ATP2A2: variants seen among roughly 807,000 people sequenced by gnomAD.
ATP2A2 encodes ATPase sarcoplasmic/endoplasmic reticulum Ca2+ transporting 2.
A neutral mutation model predicts 109.3 loss-of-function variants in ATP2A2; 14 were observed. That is an observed-to-expected ratio of 0.13 (90% CI 0.08 to 0.20). The LOEUF is 0.20. Among genes scored for constraint, ATP2A2 ranks in the 10% least tolerant of loss-of-function variants. ATP2A2 has a pLI of 1.00. For synonymous variants in ATP2A2, 506 were observed against 490.9 expected (o/e 1.03, Z -0.41); for missense variants, 657 against 1,321.6 (o/e 0.50, Z 7.80).
At chr12:110,333,902 A>G in intron 10 of ATP2A2, 110 bp from the exon 11 acceptor site, 1 of 1,451,476 alleles carries the variant, frequency 6.9e-7, no homozygotes, top group Non-Finnish European at 9.6e-7. Context: ...ATGGCCTTAC[A>G]GTGTTGTAAT....
chr12:110,311,846 T>TG (rs1350775959), intron 5 of ATP2A2, among the ~76,000 whole-genome samples: 2 of 151,806 alleles, frequency 1.3e-5, no homozygotes, highest in Non-Finnish European at 2.9e-5. Flanking sequence ...GAGACCAGCC[T>TG]GGGCAACATA....
intron 8 of ATP2A2, among the ~76,000 whole-genome samples, chr12:110,328,276 A>T (rs1877997166): frequency 1.4e-5 from 2 of 141,304 alleles, no homozygotes; most frequent in African/African-American, 2.6e-5. Flanking sequence ...TCCTTTAATT[A>T]AAAAAAAAAA....
At chr12:110,282,864 C>A in intron 3 of ATP2A2, 69 bp downstream of exon 3, 1 of 1,282,472 alleles carries the variant, frequency 7.8e-7, no homozygotes, top group Non-Finnish European at 1.1e-6. Context: ...AATCAGAAAA[C>A]AAATGATGTC....
intron 5 of ATP2A2, among the ~76,000 whole-genome samples, chr12:110,306,675 A>G (rs1289990675): frequency 6.6e-6 from 1 of 152,186 alleles, no homozygotes; most frequent in Non-Finnish European, 1.5e-5. Context: ...ATTTTGCTGG[A>G]AAAGACATGA....
chr12:110,325,447 C>T (rs1027082884), intron 6 of ATP2A2, among the ~76,000 whole-genome samples: 3 of 151,666 alleles, frequency 2.0e-5, no homozygotes, highest in Non-Finnish European at 4.4e-5. Flanking sequence ...CAGCCTTGGC[C>T]AACATAGCAA....
intron 5 of ATP2A2, among the ~76,000 whole-genome samples, chr12:110,311,056 A>C (rs938964499): frequency 6.6e-6 from 1 of 152,230 alleles, no homozygotes; most frequent in Non-Finnish European, 1.5e-5. Flanking sequence ...TGCTCTAAAA[A>C]GTGTGATTTA....
At chr12:110,304,494 A>T (rs950236291) in intron 5 of ATP2A2, among the ~76,000 whole-genome samples, 2 of 152,208 alleles carry the variant, frequency 1.3e-5, no homozygotes, top group Non-Finnish European at 2.9e-5. Context: ...GGAAGTGAGT[A>T]TCATTGTGGT....
In ATP2A2 at chr12:110,288,319, G is replaced by C. The variant is rs576339267; in HGVS notation, c.220-3701G>C. 2.6e-4 allele frequency among the ~76,000 whole-genome samples: 40 copies of C among 151,534 alleles called. 1 individual carries two copies. The highest frequency in any genetic ancestry group is 8.7e-4 in the African/African-American group (36 of 41,286). Reference sequence around the variant, plus strand: ...GGGTCTCACTATGTTACTCAAGCTAGTCTCCAATTCCTGGCCTTAAGAGAT... The same window carrying C: ...GGGTCTCACTATGTTACTCAAGCTACTCTCCAATTCCTGGCCTTAAGAGAT... On this transcript the variant is annotated intron_variant, in intron 3 of 19. Transcript: ENST00000539276.
chr12:110,298,474 C>G (rs1267447844), intron 5 of ATP2A2, among the ~76,000 whole-genome samples: 1 of 152,214 alleles, frequency 6.6e-6, no homozygotes, highest in Non-Finnish European at 1.5e-5. Flanking sequence ...AATCCCAGCA[C>G]TTTGGGAGGC....
intron 5 of ATP2A2, among the ~76,000 whole-genome samples, chr12:110,297,941 G>A (rs911604885): frequency 2.0e-5 from 3 of 152,034 alleles, no homozygotes; most frequent in African/African-American, 4.8e-5. Context: ...CAACACCCCT[G>A]GGACCAACCA....
At position 110,340,748 on chromosome 12, in the gene ATP2A2, C is replaced by A; in HGVS notation, c.1851C>A (p.Gly617=). Residue 617 remains glycine (G), a synonymous_variant, in exon 14 of 20, where the codon GGC becomes GGA. Transcript: ENST00000539276. This position sits in a 1 kb window ranked among gnomAD's most constrained non-coding sequence, Gnocchi z 6.0. The part of the protein sequence containing the change: ...ASSVKLCRQA[G]IRVIMITGDN... ...CCGTGAAGCTGTGCCGGCAAGCAGGCATCCGGGTCATCATGATCACTGGGG... is the reference window on the plus strand; with the variant it reads ...CCGTGAAGCTGTGCCGGCAAGCAGGAATCCGGGTCATCATGATCACTGGGG... 3 of 1,614,144 alleles carry A rather than the reference C, an allele frequency of 1.9e-6. No individual in the cohort carries two copies. Among genetic ancestry groups the A allele is most frequent in the East Asian group, 2.2e-5 (1 of 44,886 alleles).
chr12:110,296,628 C>A lies in ATP2A2; in HGVS notation c.354C>A (p.Ala118=), dbSNP rs769560967. ...QERNAENAIE[A]LKEYEPEMGK... Reference sequence around the variant, plus strand: ...GAAATGCTGAAAATGCCATCGAAGCCCTTAAGGAATATGAGCCTGAAATGG... The same window carrying A: ...GAAATGCTGAAAATGCCATCGAAGCACTTAAGGAATATGAGCCTGAAATGG... The change falls in exon 5 of 20, where the codon GCC becomes GCA. Residue 118 remains alanine (A), a synonymous_variant. Transcript: ENST00000539276. 1.9e-6 allele frequency: 3 copies of A among 1,613,994 alleles called. No individual in the cohort carries two copies. The South Asian group carries it at 3.3e-5, about 18-fold the overall frequency.
intron 8 of ATP2A2, 54 bp from the exon 9 acceptor site, chr12:110,332,543 G>A: frequency 1.4e-6 from 2 of 1,412,994 alleles, no homozygotes; most frequent in Non-Finnish European, 2.0e-6. Flanking sequence ...GTTTATTTGT[G>A]TAGCATTTTT....
intron 3 of ATP2A2, among the ~76,000 whole-genome samples, chr12:110,284,421 T>A (rs546438153): frequency 2.0e-5 from 3 of 152,250 alleles, no homozygotes; most frequent in Non-Finnish European, 4.4e-5. Flanking sequence ...AATACATTTT[T>A]ACTGAATTCT....
Position 110,281,775 on chromosome 12 carries a change from C to G in ATP2A2, c.-15C>G. 1 of 1,485,862 alleles carries G rather than the reference C, an allele frequency of 6.7e-7. No homozygotes were observed. Among genetic ancestry groups the G allele is most frequent in the Non-Finnish European group, 9.0e-7 (1 of 1,113,192 alleles). The allele number at this position is 1,485,862 out of a possible 1,614,324, so 92.0% of individuals were successfully genotyped here. ...CGCGGGGACGGGAGGCGAGGCCGGC[C>G]GGGCCCCCGAAGCCATGGAGAACGC... On this transcript the variant is annotated 5_prime_UTR_variant, in exon 1 of 20. Coordinates refer to ENST00000539276, the MANE Select transcript of ATP2A2 (RefSeq NM_170665.4).
At chr12:110,308,470 A>G (rs1264091697) in intron 5 of ATP2A2, among the ~76,000 whole-genome samples, 2 of 152,196 alleles carry the variant, frequency 1.3e-5, no homozygotes, top group Non-Finnish European at 2.9e-5. Flanking sequence ...ATCAGAAATG[A>G]TAGTTTGCTG....
intron 5 of ATP2A2, among the ~76,000 whole-genome samples, chr12:110,300,643 CTTTT>C (rs537191134): frequency 1.3e-3 from 165 of 131,232 alleles, no homozygotes; most frequent in African/African-American, 4.5e-3. Context: ...CATGCCCGGC[CTTTT>C]TTTTTTTTTT....
intron 5 of ATP2A2, among the ~76,000 whole-genome samples, chr12:110,298,809 C>T (rs1874239072): frequency 6.6e-6 from 1 of 152,196 alleles, no homozygotes; most frequent in South Asian, 2.1e-4. Flanking sequence ...TTTGTATGAA[C>T]TGTTGAAGGG....
chr12:110,300,270 C>T (rs1261914208), intron 5 of ATP2A2, among the ~76,000 whole-genome samples: 4 of 146,060 alleles, frequency 2.7e-5, no homozygotes, highest in South Asian at 2.2e-4. Context: ...ACTGCGACCT[C>T]GAACTCCTTG....
Sources: allele counts gnomAD v4.1 joint callset (sites outside exome capture counted in the v4.1 genomes callset), GRCh38; gene constraint gnomAD v4.1.1; non-coding constraint Gnocchi (gnomAD v3.1); transcripts MANE v1.5; gene names NCBI Gene and HGNC (gene_info 2026-07-23, HGNC 2026-07-21).